PVT1: variants seen among roughly 807,000 people sequenced by gnomAD.
PVT1 encodes CXCR4/PVT1 fusion.
rs577390461 is a variant in PVT1, at chr8:127,834,985, T to C, written n.372+38914T>C. ...GGATGTGGAGAAATAGGGACGCTTT[T>C]ACACTGTTGGTGGGAATGTAAATTA... On this transcript the variant is annotated intron_variant and non_coding_transcript_variant, in intron 2 of 10. Coordinates refer to ENST00000651587, the Ensembl canonical transcript of PVT1. Among the ~76,000 whole-genome samples, 3 of 152,322 alleles carry C rather than the reference T, an allele frequency of 2.0e-5. No individual in the cohort carries two copies. In the South Asian group the frequency reaches 6.2e-4, roughly 32 times the overall value.
intron 4 of PVT1, among the ~76,000 whole-genome samples, chr8:128,031,988 G>A (rs138248969): frequency 2.0e-5 from 3 of 152,306 alleles, no homozygotes; most frequent in Non-Finnish European, 4.4e-5. Context: ...TGATGATGAC[G>A]ACGATGACAG....
At chr8:127,875,080 A>G (rs1454100380) in intron 2 of PVT1, among the ~76,000 whole-genome samples, 1 of 152,162 alleles carries the variant, frequency 6.6e-6, no homozygotes, top group African/African-American at 2.4e-5. Flanking sequence ...GAGAAGTGTC[A>G]TTGCTAGTTG....
At chr8:127,844,483 CACA>C (rs1815008988) in intron 2 of PVT1, among the ~76,000 whole-genome samples, 1 of 152,166 alleles carries the variant, frequency 6.6e-6, no homozygotes, top group East Asian at 1.9e-4. Flanking sequence ...CTACAACCCA[CACA>C]ACAACTTGTA....
At chr8:127,845,354 T>G (rs774591492) in intron 2 of PVT1, among the ~76,000 whole-genome samples, 7 of 152,054 alleles carry the variant, frequency 4.6e-5, no homozygotes, top group Non-Finnish European at 1.0e-4. Flanking sequence ...CAAGTCCCTA[T>G]AGAAGAGGGA....
At chr8:127,812,791 C>T (rs1239342652) in intron 2 of PVT1, among the ~76,000 whole-genome samples, 2 of 152,132 alleles carry the variant, frequency 1.3e-5, no homozygotes, top group Non-Finnish European at 2.9e-5. Context: ...TTTTGTGCAG[C>T]ATTTCCCGTC....
At chr8:128,088,266 G>A (rs1489778305) in intron 5 of PVT1, among the ~76,000 whole-genome samples, 5 of 152,138 alleles carry the variant, frequency 3.3e-5, no homozygotes, top group East Asian at 1.9e-4. Flanking sequence ...CATGGATCTC[G>A]TGAAAGCCCA....
chr8:128,099,608 T>C (rs564308701), intron 6 of PVT1: 2 of 152,336 alleles, frequency 1.3e-5, no homozygotes, highest in South Asian at 2.1e-4. Flanking sequence ...ACTTTTATAT[T>C]GCTCCGAGAG....
At chr8:127,846,569 C>T (rs1815036158) in intron 2 of PVT1, among the ~76,000 whole-genome samples, 1 of 152,202 alleles carries the variant, frequency 6.6e-6, no homozygotes, top group Admixed American at 6.5e-5. Context: ...TTCCAAGTTG[C>T]ACCCACCACC....
intron 2 of PVT1, among the ~76,000 whole-genome samples, chr8:127,852,610 T>C (rs952455501): frequency 1.3e-5 from 2 of 152,194 alleles, no homozygotes; most frequent in Non-Finnish European, 2.9e-5. Context: ...ATATGTAAAG[T>C]GAATGGTACA....
intron 2 of PVT1, among the ~76,000 whole-genome samples, chr8:127,874,678 C>T (rs1159548527): frequency 6.6e-6 from 1 of 152,136 alleles, no homozygotes; most frequent in African/African-American, 2.4e-5. Context: ...TACCTTTGGC[C>T]TGATTGTGAA....
At chr8:127,982,840 C>T (rs1427028458) in intron 3 of PVT1, among the ~76,000 whole-genome samples, 1 of 152,164 alleles carries the variant, frequency 6.6e-6, no homozygotes, top group East Asian at 1.9e-4. Flanking sequence ...CCCTGGGACA[C>T]AGTTGTTGCA....
chr8:128,008,827 G>T, intron 4 of PVT1: 1 of 450,694 alleles, frequency 2.2e-6, no homozygotes. Context: ...TGCAGGTTGG[G>T]GCCTGAAAAA....
intron 4 of PVT1, among the ~76,000 whole-genome samples, chr8:128,047,158 C>T (rs1586496770): frequency 6.6e-6 from 1 of 152,356 alleles, no homozygotes; most frequent in African/African-American, 2.4e-5. Flanking sequence ...CCTTCTCCAC[C>T]AGGCTTTAGT....
chr8:127,933,772 A>T (rs577539099), intron 3 of PVT1, among the ~76,000 whole-genome samples: 1 of 152,222 alleles, frequency 6.6e-6, no homozygotes, highest in Non-Finnish European at 1.5e-5. Context: ...GAGCCTGGGC[A>T]TAGGAGCCAG....
At chr8:127,804,537 GA>G (rs1355756330) in intron 2 of PVT1, among the ~76,000 whole-genome samples, 4 of 125,096 alleles carry the variant, frequency 3.2e-5, no homozygotes, top group African/African-American at 1.4e-4. Flanking sequence ...GTTGCATCCT[GA>G]TTTTTTTTTT....
chr8:127,854,247 C>T (rs577280094), intron 2 of PVT1, among the ~76,000 whole-genome samples: 40 of 152,220 alleles, frequency 2.6e-4, no homozygotes, highest in Non-Finnish European at 4.3e-4. Flanking sequence ...TGGGCACAGG[C>T]GGAGGGCAGG....
rs78489427 is a variant in PVT1 at position 128,004,460 on chromosome 8, C to A, written n.912+15169C>A. On this transcript the variant is annotated intron_variant and non_coding_transcript_variant, in intron 4 of 10. Transcript: ENST00000651587. ...TGGGTCTGCCTTGTCCCCTCACTTC[C>A]CTCTCTGCCGAGAGAGTCCTGAGCC... 1.4e-3 allele frequency among the ~76,000 whole-genome samples: 212 copies of A among 152,294 alleles called. 7 individuals are homozygous for A. The East Asian group carries it at 0.035, about 25-fold the overall frequency.
chr8:128,095,257 C>T (rs908791269), intron 5 of PVT1, among the ~76,000 whole-genome samples: 3 of 152,110 alleles, frequency 2.0e-5, no homozygotes. Flanking sequence ...GTACCTTTTG[C>T]TTTTTCTGAA....
intron 4 of PVT1, chr8:128,049,365 G>A (rs1563675219): frequency 1.5e-5 from 5 of 338,828 alleles, no homozygotes; most frequent in East Asian, 8.7e-5. Flanking sequence ...CCAGCTTTGC[G>A]CGGAGGCAGA....
Sources: allele counts gnomAD v4.1 joint callset (sites outside exome capture counted in the v4.1 genomes callset), GRCh38; gene constraint gnomAD v4.1.1; transcripts MANE v1.5; gene names NCBI Gene and HGNC (gene_info 2026-07-23, HGNC 2026-07-21).